Variants in ACACB observed in about 807,000 individuals in gnomAD.
The protein encoded by ACACB is acetyl-CoA carboxylase beta, also known as acetyl-CoA carboxylase 2.
Under a neutral mutation model 278.8 loss-of-function variants are expected in ACACB, and 209 were observed. That is an observed-to-expected ratio of 0.75 (90% CI 0.67 to 0.84). The LOEUF is 0.84. ACACB is among the 40% of genes least tolerant of loss of function. The probability of loss-of-function intolerance (pLI) is 0.00; values close to 1 mark genes in which losing one functional copy is unlikely to be tolerated. For synonymous variants in ACACB, 1,174 were observed against 1,285.6 expected, an observed-to-expected ratio of 0.91 and a Z score of 1.86; for missense variants, 2,850 against 3,269.0, an observed-to-expected ratio of 0.87 and a Z score of 3.13.
At chr12:109,135,379 G>A (rs1188436389) in intron 1 of ACACB, among the ~76,000 whole-genome samples, 1 of 152,014 alleles carries the variant, frequency 6.6e-6, no homozygotes, top group Admixed American at 6.6e-5. Context: ...TTGTCTTTTT[G>A]TTGTTGAGTT....
At position 109,237,332 on chromosome 12, in the gene ACACB, T is replaced by C. The variant is rs750758828; in HGVS notation, c.4614T>C (p.His1538=). Residue 1538 remains histidine (H), a synonymous_variant, in exon 34 of 53, where the codon CAT becomes CAC. Coordinates refer to ENST00000338432, the MANE Select transcript of ACACB (RefSeq NM_001093.4). ...AGGAAGGTGTGGAAGTGACGGACCA[T>C]AGGTTCTTCATCCGCGCCATCATCA... ...KVKEGVEVTD[H]RFFIRAIIRH... is the part of the protein sequence containing the mutation. The C allele has an allele frequency of 1.9e-6, 3 of 1,614,192 alleles. No individual in the cohort carries two copies. The highest frequency in any genetic ancestry group is 2.5e-6 in the Non-Finnish European group (3 of 1,180,036).
intron 1 of ACACB, among the ~76,000 whole-genome samples, chr12:109,120,470 G>C (rs530017805): frequency 8.5e-5 from 13 of 152,286 alleles, no homozygotes; most frequent in African/African-American, 3.1e-4. Flanking sequence ...AGGATCCTGG[G>C]AGGCAGGACC....
At chr12:109,205,935 G>A (rs2045493066) in intron 19 of ACACB, among the ~76,000 whole-genome samples, 2 of 152,162 alleles carry the variant, frequency 1.3e-5, no homozygotes, top group South Asian at 4.1e-4. Flanking sequence ...AGCACATTTA[G>A]TCTGTGTTGC....
intron 31 of ACACB, among the ~76,000 whole-genome samples, chr12:109,235,053 G>A (rs1243447194): frequency 6.6e-6 from 1 of 152,034 alleles, no homozygotes; most frequent in Non-Finnish European, 1.5e-5. Flanking sequence ...CCTGTTAGCA[G>A]TCACTCCCCT....
chr12:109,262,226 G>T, intron 48 of ACACB, 131 bp from the exon 49 acceptor site: 1 of 656,690 alleles, frequency 1.5e-6, no homozygotes. Flanking sequence ...CAGCATGTGT[G>T]GGGGTAAAAG....
intron 9 of ACACB, among the ~76,000 whole-genome samples, chr12:109,176,491 A>G (rs1478163018): frequency 6.6e-6 from 1 of 152,234 alleles, no homozygotes; most frequent in Non-Finnish European, 1.5e-5. Context: ...TCTATAAATC[A>G]GTGTATCTAG....
intron 4 of ACACB, among the ~76,000 whole-genome samples, chr12:109,168,761 G>A (rs2044004758): frequency 6.6e-6 from 1 of 152,154 alleles, no homozygotes. Flanking sequence ...GGTCTAGGCT[G>A]CAGTGAGCTG....
chr12:109,260,896 G>C (rs1322969561), intron 48 of ACACB, among the ~76,000 whole-genome samples: 1 of 152,206 alleles, frequency 6.6e-6, no homozygotes, highest in African/African-American at 2.4e-5. Context: ...AGGGAAATAT[G>C]ATGAGCCATT....
rs761835144 is a variant in ACACB at position 109,139,498 on chromosome 12, G to T, written c.93G>T (p.Pro31=). 3.1e-5 allele frequency: 50 copies of T among 1,613,926 alleles called. No homozygotes were observed. The highest frequency in any genetic ancestry group is 1.6e-4 in the Middle Eastern group (1 of 6,084). Residue 31 remains proline, a synonymous_variant, in exon 2 of 53, where the codon CCG becomes CCT. Transcript: ENST00000338432. ...KIWGKMTDSK[P]ITKSKSEANL... is the part of the protein sequence containing the mutation. ...GGGGGAAAATGACGGACTCCAAGCCGATCACCAAGAGTAAATCAGAAGCAA... is the reference window on the plus strand; with the variant it reads ...GGGGGAAAATGACGGACTCCAAGCCTATCACCAAGAGTAAATCAGAAGCAA...
intron 18 of ACACB, among the ~76,000 whole-genome samples, chr12:109,200,089 G>A (rs1398351726): frequency 6.6e-6 from 1 of 151,756 alleles, no homozygotes; most frequent in Non-Finnish European, 1.5e-5. Flanking sequence ...GAGTAAGAAG[G>A]TTAATGACAG....
At position 109,174,214 on chromosome 12, in the gene ACACB, G is replaced by A; in HGVS notation, c.1200G>A (p.Leu400=). The A allele has an allele frequency of 6.2e-7, 1 of 1,612,298 alleles. No homozygotes were observed. The highest frequency in any genetic ancestry group is 8.5e-7 in the Non-Finnish European group (1 of 1,179,386). The change falls in exon 7 of 53, where the codon CTG becomes CTA. Residue 400 remains leucine (L), a synonymous_variant. Coordinates refer to ENST00000338432, the MANE Select transcript of ACACB (RefSeq NM_001093.4). ...CCCAGACGCTACAGGTCCCAACCCT[G>A]CCCTGGAGTGGAAGCGGTAAGGGAC... is the stretch of plus-strand genomic sequence containing the variant. ...VVAQTLQVPT[L]PWSGSGLTVE...
chr12:109,259,926 C>A, intron 47 of ACACB: 1 of 505,172 alleles, frequency 2.0e-6, no homozygotes, highest in Admixed American at 2.6e-5. Flanking sequence ...CATCACTGAG[C>A]CTCAGTTTCC....
At chr12:109,237,119 C>T (rs1003900194) in intron 33 of ACACB, 46 bp from the exon 34 acceptor site, 120 of 1,599,440 alleles carry the variant, frequency 7.5e-5, no homozygotes, top group Non-Finnish European at 9.8e-5. Context: ...TCCAACGTCA[C>T]GCTGTGTGTG....
intron 48 of ACACB, among the ~76,000 whole-genome samples, chr12:109,261,643 G>A (rs1299789558): frequency 1.3e-5 from 2 of 152,038 alleles, no homozygotes; most frequent in Non-Finnish European, 2.9e-5. Flanking sequence ...GGCTAAGGGG[G>A]GCAGATCACT....
At position 109,227,015 on chromosome 12, in the gene ACACB, A is replaced by G. The variant is rs1382864349; in HGVS notation, c.3883-356A>G. 5.9e-5 allele frequency among the ~76,000 whole-genome samples: 9 copies of G among 151,598 alleles called. No homozygotes were observed. In the East Asian group the frequency reaches 1.7e-3, roughly 29 times the overall value. ...GCCCAGGCTGAAGTGCAGTGGTGCT[A>G]TCATAGCTCATTGCAGCCTCAACAT... On this transcript the variant is annotated intron_variant, in intron 27 of 52. Coordinates refer to ENST00000338432, the MANE Select transcript of ACACB (RefSeq NM_001093.4).
intron 2 of ACACB, among the ~76,000 whole-genome samples, chr12:109,144,262 G>A (rs1440982992): frequency 6.6e-6 from 1 of 152,074 alleles, no homozygotes; most frequent in Admixed American, 6.6e-5. Context: ...GCAGTGAGCT[G>A]AGATCACGCC....
intron 45 of ACACB, among the ~76,000 whole-genome samples, chr12:109,257,568 CATTATT>C (rs1014272011): frequency 3.3e-5 from 5 of 151,742 alleles, no homozygotes; most frequent in African/African-American, 2.4e-5. Context: ...GCTTTAGTTT[CATTATT>C]ATTATTATTA....
At chr12:109,143,483 A>T (rs2043169893) in intron 2 of ACACB, among the ~76,000 whole-genome samples, 1 of 147,420 alleles carries the variant, frequency 6.8e-6, no homozygotes, top group Non-Finnish European at 1.5e-5. Flanking sequence ...AAAAAAAAAA[A>T]ATGAATGAGG....
At chr12:109,258,463 T>C in intron 46 of ACACB, 99 bp downstream of exon 46, 1 of 975,074 alleles carries the variant, frequency 1.0e-6, no homozygotes, top group South Asian at 1.5e-5. Flanking sequence ...CCAACTTAGG[T>C]GGAGAAGCAG....
Sources: gnomAD v4.1 joint callset for allele counts (sites outside exome capture counted in the v4.1 genomes callset) on GRCh38, gnomAD v4.1.1 for gene constraint, MANE v1.5 for transcripts, NCBI Gene and HGNC (gene_info 2026-07-23, HGNC 2026-07-21) for gene names.